AHNAK: variants seen among roughly 807,000 people sequenced by gnomAD.
AHNAK encodes the protein AHNAK nucleoprotein, also known as neuroblast differentiation-associated protein AHNAK.
A neutral mutation model predicts 37.8 loss-of-function variants in AHNAK; 23 were observed. The observed-to-expected ratio is 0.61, with a 90% CI of 0.44 to 0.86. The LOEUF (loss-of-function observed/expected upper bound fraction) is 0.86. Among genes scored for constraint, AHNAK ranks in the 40% least tolerant of loss-of-function variants. The pLI is 0.00. For missense variants in AHNAK, 7,411 were observed against 7,319.4 expected (o/e 1.01, Z -0.46); for synonymous variants, 2,481 against 2,636.3 (o/e 0.94, Z 1.80).
chr11:62,519,737 C>T lies in AHNAK; in HGVS notation c.14680G>A (p.Gly4894Ser). Residue 4894 changes from glycine (G) to serine (S), a missense_variant, in exon 5 of 5, where the codon GGC becomes AGC. Coordinates refer to ENST00000378024, the MANE Select transcript of AHNAK (RefSeq NM_001620.3). The stretch of plus-strand genomic sequence containing the variant: ...GGGCCACTGAGTTTGGCATCAGGGC[C>T]TTCGAAATCCAGACGTGGACCTTTA... ...DLKGPRLDFE[G>S]PDAKLSGPSL... 6.2e-7 allele frequency: 1 copy of T among 1,613,616 alleles called. No individual in the cohort carries two copies. Among genetic ancestry groups the T allele is most frequent in the Non-Finnish European group, 8.5e-7 (1 of 1,179,830 alleles).
chr11:62,441,158 G>A (rs538413826), intron 5 of AHNAK, among the ~76,000 whole-genome samples: 12 of 151,830 alleles, frequency 7.9e-5, no homozygotes, highest in South Asian at 4.2e-4. Flanking sequence ...GTGCCACCAC[G>A]CCCGGCTAAA....
downstream of AHNAK, among the ~76,000 whole-genome samples, chr11:62,514,242 C>G (rs1030541948): frequency 6.6e-6 from 1 of 152,168 alleles, no homozygotes; most frequent in African/African-American, 2.4e-5. Context: ...CTTACCCCAC[C>G]CTCCAGACAC....
intron 5 of AHNAK, among the ~76,000 whole-genome samples, chr11:62,446,223 C>T (rs527382924): frequency 1.3e-5 from 2 of 152,144 alleles, no homozygotes; most frequent in East Asian, 3.9e-4. Flanking sequence ...GCTCGGAGGG[C>T]GCCAAAGAAG....
intron 5 of AHNAK, chr11:62,434,015 T>C: frequency 8.1e-7 from 1 of 1,228,370 alleles, no homozygotes. Context: ...TGCTAGGGCA[T>C]CCAAACAAAT....
rs1565223589 is a variant in AHNAK, at chr11:62,518,448, C to T, written c.15969G>A (p.Lys5323=). The T allele has an allele frequency of 6.2e-7, 1 of 1,614,062 alleles. No homozygotes were observed. Among genetic ancestry groups the T allele is most frequent in the African/African-American group, 1.3e-5 (1 of 75,006 alleles). The change falls in exon 5 of 5, where the codon AAG becomes AAA. Residue 5323 remains lysine, a synonymous_variant. Coordinates refer to ENST00000378024, the MANE Select transcript of AHNAK (RefSeq NM_001620.3). ...GDLDASVPSM[K]VHAPGLNLSG... ...TGAGGTTGAGCCCTGGAGCATGCAC[C>T]TTCATGCTGGGAACAGATGCATCCA...
At chr11:62,464,014 C>A (rs891830597) in intron 5 of AHNAK, among the ~76,000 whole-genome samples, 41 of 151,496 alleles carry the variant, frequency 2.7e-4, no homozygotes, top group Non-Finnish European at 7.4e-5. Flanking sequence ...GTGATCCGCC[C>A]GCCTCAGCCT....
At chr11:62,451,723 C>T (rs1289300360) in intron 5 of AHNAK, among the ~76,000 whole-genome samples, 6 of 111,386 alleles carry the variant, frequency 5.4e-5, no homozygotes, top group Non-Finnish European at 3.5e-5. Context: ...GGTGACAGAG[C>T]GAGACTCCGT....
At chr11:62,535,868 G>T in intron 3 of AHNAK, 77 bp downstream of exon 3, 1 of 1,528,584 alleles carries the variant, frequency 6.5e-7, no homozygotes. Flanking sequence ...ACTTCTGCCT[G>T]CTCCCTGCCC....
At chr11:62,463,123 CAAAAAAAAA>C (rs142849834) in intron 5 of AHNAK, among the ~76,000 whole-genome samples, 5 of 77,828 alleles carry the variant, frequency 6.4e-5, no homozygotes, top group East Asian at 3.3e-4. Context: ...GACTCAGTCT[CAAAAAAAAA>C]AAAAAAAAAA....
intron 5 of AHNAK, among the ~76,000 whole-genome samples, chr11:62,468,621 C>T (rs537318397): frequency 1.5e-4 from 23 of 152,144 alleles, no homozygotes; most frequent in East Asian, 5.8e-4. Context: ...AGAGGGATAA[C>T]AGCCGAATCC....
chr11:62,478,776 GAGAAA>G (rs1939202118), intron 5 of AHNAK, among the ~76,000 whole-genome samples: 1 of 149,130 alleles, frequency 6.7e-6, no homozygotes, highest in Non-Finnish European at 1.5e-5. Context: ...AAAAAAGAGA[GAGAAA>G]AGAAAAGAGC....
At position 62,517,555 on chromosome 11, in the gene AHNAK, C is replaced by A; in HGVS notation, c.16862G>T (p.Gly5621Val). 1.2e-6 allele frequency: 2 copies of A among 1,614,182 alleles called. No homozygotes were observed. Among genetic ancestry groups the A allele is most frequent in the Non-Finnish European group, 8.5e-7 (1 of 1,180,050 alleles). The change falls in exon 5 of 5, where the codon GGA becomes GTA. Residue 5621 changes from glycine (G) to valine (V), a missense_variant. Physicochemically the swap from Gly to Val is moderately radical, Grantham distance 109 (BLOSUM62 -3). Coordinates refer to ENST00000378024, the MANE Select transcript of AHNAK (RefSeq NM_001620.3). ...TTTCACACCTCCTTCCACCTTTGGT[C>A]CTGAGAAATGAAGGCCCCCAGCAAA... ...SKFAGGLHFS[G>V]PKVEGGVKGG...
chr11:62,481,447 G>C (rs1296624504), intron 5 of AHNAK, among the ~76,000 whole-genome samples: 1 of 151,620 alleles, frequency 6.6e-6, no homozygotes, highest in Non-Finnish European at 1.5e-5. Context: ...CACCATCTTT[G>C]TCTGGACCCT....
intron 4 of AHNAK, among the ~76,000 whole-genome samples, chr11:62,503,072 G>A (rs1326160056): frequency 1.3e-5 from 2 of 152,196 alleles, no homozygotes; most frequent in African/African-American, 2.4e-5. Context: ...CATATTCCGT[G>A]AGAGTTCAGC....
intron 4 of AHNAK, among the ~76,000 whole-genome samples, chr11:62,502,865 G>A (rs1435751482): frequency 6.6e-6 from 1 of 152,110 alleles, no homozygotes; most frequent in Non-Finnish European, 1.5e-5. Flanking sequence ...TGCAGAGGCC[G>A]GCTTGAGACT....
chr11:62,437,829 T>C (rs928196923), intron 5 of AHNAK, among the ~76,000 whole-genome samples: 1 of 152,146 alleles, frequency 6.6e-6, no homozygotes, highest in Non-Finnish European at 1.5e-5. Context: ...CAACACTTGG[T>C]ATTGTCAGTC....
At chr11:62,503,384 G>C (rs575547483) in intron 4 of AHNAK, among the ~76,000 whole-genome samples, 21 of 152,206 alleles carry the variant, frequency 1.4e-4, no homozygotes, top group African/African-American at 4.8e-4. Context: ...TAAGGAGTTC[G>C]AGACCAGCCT....
At chr11:62,478,079 G>A (rs191532835) in intron 5 of AHNAK, among the ~76,000 whole-genome samples, 100 of 152,264 alleles carry the variant, frequency 6.6e-4, no homozygotes, top group African/African-American at 2.4e-3. Flanking sequence ...CCTCTCCGCA[G>A]GACTCAGTGC....
intron 5 of AHNAK, among the ~76,000 whole-genome samples, chr11:62,452,629 G>A (rs530340632): frequency 6.6e-6 from 1 of 152,276 alleles, no homozygotes; most frequent in African/African-American, 2.4e-5. Flanking sequence ...CTCATGCTTA[G>A]GGATGACCCA....
Sources: gnomAD v4.1 joint callset for allele counts (sites outside exome capture counted in the v4.1 genomes callset) on GRCh38, gnomAD v4.1.1 for gene constraint, MANE v1.5 for transcripts, NCBI Gene and HGNC (gene_info 2026-07-23, HGNC 2026-07-21) for gene names.